Variants in MSRA observed in about 807,000 individuals in gnomAD.
MSRA encodes methionine sulfoxide reductase A.
In MSRA, 54 loss-of-function variants were observed where a neutral mutation model predicts 31.3. The ratio of observed to expected loss-of-function variants is 1.73; its 90% CI spans 1.39 to 2.17. MSRA has a LOEUF of 2.17. MSRA is among the 30% of genes most tolerant of loss of function. The pLI, the probability that MSRA is intolerant of heterozygous loss-of-function variation, is 0.00. For missense variants in MSRA, 507 were observed against 300.9 expected, an observed-to-expected ratio of 1.69 and a Z score of -5.07; for synonymous variants, 169 against 116.5, an observed-to-expected ratio of 1.45 and a Z score of -2.90.
intron 1 of MSRA, among the ~76,000 whole-genome samples, chr8:10,194,128 C>T (rs140046526): frequency 6.6e-6 from 1 of 152,146 alleles, no homozygotes; most frequent in Admixed American, 6.6e-5. Context: ...AAAATACTTG[C>T]TGCTGTACGA....
intron 1 of MSRA, among the ~76,000 whole-genome samples, chr8:10,091,351 A>G (rs1002690592): frequency 6.6e-6 from 1 of 152,254 alleles, no homozygotes; most frequent in Non-Finnish European, 1.5e-5. Context: ...AAATCAAGCT[A>G]ATTATGTGCA....
chr8:10,065,631 T>C (rs79318164), intron 1 of MSRA, among the ~76,000 whole-genome samples: 139 of 152,338 alleles, frequency 9.1e-4, no homozygotes, highest in African/African-American at 3.2e-3. Context: ...AACTCAAGCC[T>C]GAACTATTTT....
intron 5 of MSRA, among the ~76,000 whole-genome samples, chr8:10,327,222 G>A (rs1210080218): frequency 6.6e-6 from 1 of 152,160 alleles, no homozygotes; most frequent in Non-Finnish European, 1.5e-5. Context: ...TTTAAAGGCT[G>A]TATCTATCCG....
chr8:10,406,906 G>T (rs182893065), intron 5 of MSRA, among the ~76,000 whole-genome samples: 1 of 152,342 alleles, frequency 6.6e-6, no homozygotes, highest in African/African-American at 2.4e-5. Context: ...AGGCTAGAGT[G>T]CAGTGGCATG....
At chr8:10,267,940 C>G (rs1348004150) in intron 3 of MSRA, among the ~76,000 whole-genome samples, 3 of 152,214 alleles carry the variant, frequency 2.0e-5, no homozygotes, top group African/African-American at 7.2e-5. Context: ...AACCCCATCC[C>G]AGACCCTGAG....
At chr8:10,054,724 A>G (rs1585051099) in intron 1 of MSRA, 66 bp downstream of exon 1, 2 of 1,382,708 alleles carry the variant, frequency 1.4e-6, no homozygotes, top group Non-Finnish European at 1.9e-6. Context: ...GCCCGGCGGC[A>G]GCGCGCCCGC....
chr8:10,281,367 G>C (rs1297021199), intron 3 of MSRA, among the ~76,000 whole-genome samples: 2 of 152,166 alleles, frequency 1.3e-5, no homozygotes, highest in African/African-American at 4.8e-5. Flanking sequence ...TATCAAAAAG[G>C]ATTGATTTAA....
intron 1 of MSRA, among the ~76,000 whole-genome samples, chr8:10,191,472 C>A (rs760904854): frequency 6.6e-6 from 1 of 152,218 alleles, no homozygotes; most frequent in Non-Finnish European, 1.5e-5. Flanking sequence ...GCAGGAAAAG[C>A]AAGTAGCAAT....
chr8:10,242,078 C>T (rs1369364645), intron 2 of MSRA, among the ~76,000 whole-genome samples: 1 of 152,120 alleles, frequency 6.6e-6, no homozygotes, highest in Non-Finnish European at 1.5e-5. Flanking sequence ...TCGAGACCAG[C>T]CTGGCCAACA....
chr8:10,252,033 A>T (rs918395717), intron 3 of MSRA, among the ~76,000 whole-genome samples: 1 of 152,204 alleles, frequency 6.6e-6, no homozygotes, highest in Non-Finnish European at 1.5e-5. Flanking sequence ...GGTAAGATTC[A>T]AGCTGCTTGG....
chr8:10,087,808 C>G (rs772323840), intron 1 of MSRA, among the ~76,000 whole-genome samples: 24 of 152,148 alleles, frequency 1.6e-4, no homozygotes, highest in Non-Finnish European at 3.1e-4. Flanking sequence ...TAAACTTTTT[C>G]TAAGAGAGAC....
At chr8:10,209,814 G>A (rs1482046403) in intron 2 of MSRA, among the ~76,000 whole-genome samples, 9 of 152,228 alleles carry the variant, frequency 5.9e-5, no homozygotes, top group Non-Finnish European at 1.0e-4. Context: ...TGGCCAGCAT[G>A]TGTGGTTTTA....
At chr8:10,252,203 A>G (rs1409387791) in intron 3 of MSRA, among the ~76,000 whole-genome samples, 4 of 152,200 alleles carry the variant, frequency 2.6e-5, no homozygotes, top group African/African-American at 9.7e-5. Context: ...GAGAGATTTT[A>G]TTAGAAGGGT....
At chr8:10,375,073 A>G (rs1453101203) in intron 5 of MSRA, among the ~76,000 whole-genome samples, 3 of 152,234 alleles carry the variant, frequency 2.0e-5, no homozygotes, top group Admixed American at 2.0e-4. Context: ...TGCAGCCTGC[A>G]GAACCGTGAG....
At chr8:10,161,304 C>A (rs145553361) in intron 1 of MSRA, among the ~76,000 whole-genome samples, 1 of 152,304 alleles carries the variant, frequency 6.6e-6, no homozygotes, top group East Asian at 1.9e-4. Flanking sequence ...CCCCAACCCC[C>A]TGGCTGTTTT....
rs1357110740 is a variant in MSRA at position 10,325,261 on chromosome 8, G to A, written c.543+5272G>A. Among the ~76,000 whole-genome samples the A allele has an allele frequency of 2.6e-5, 4 of 152,150 alleles. No homozygotes were observed. The South Asian group carries it at 6.2e-4, about 24-fold the overall frequency. Reference sequence around the variant, plus strand: ...AAAAACACAGTTCAATTTTAGCAGAGTGCATCCTGCTGCAGTCATATGGTG... The same window carrying A: ...AAAAACACAGTTCAATTTTAGCAGAATGCATCCTGCTGCAGTCATATGGTG... On this transcript the variant is annotated intron_variant, in intron 5 of 5. Transcript: ENST00000317173.
At chr8:10,119,419 C>T (rs1800941299) in intron 1 of MSRA, among the ~76,000 whole-genome samples, 1 of 152,150 alleles carries the variant, frequency 6.6e-6, no homozygotes, top group Non-Finnish European at 1.5e-5. Context: ...GACGTGCTTT[C>T]TGCTGGCGAT....
At chr8:10,116,501 A>C (rs1800688179) in intron 1 of MSRA, among the ~76,000 whole-genome samples, 1 of 152,212 alleles carries the variant, frequency 6.6e-6, no homozygotes, top group African/African-American at 2.4e-5. Context: ...GAGAACAAAG[A>C]GGTGGTCCTT....
chr8:10,424,683 T>C (rs951085345), intron 5 of MSRA, among the ~76,000 whole-genome samples: 1 of 150,780 alleles, frequency 6.6e-6, no homozygotes, highest in South Asian at 2.1e-4. Flanking sequence ...CCGGGGTGGG[T>C]TGGATCGGAG....
Sources: gnomAD v4.1 joint callset for allele counts (sites outside exome capture counted in the v4.1 genomes callset) on GRCh38, gnomAD v4.1.1 for gene constraint, MANE v1.5 for transcripts, NCBI Gene and HGNC (gene_info 2026-07-23, HGNC 2026-07-21) for gene names.